The following FASTKD1 variants were observed in gnomAD, a reference collection of about 807,000 sequenced individuals.
FASTKD1 encodes FAST kinase domains 1, also known as FAST kinase domain-containing protein 1, mitochondrial.
Under a neutral mutation model 90.9 loss-of-function variants are expected in FASTKD1, and 94 were observed. The ratio of observed to expected loss-of-function variants is 1.03; its 90% CI spans 0.88 to 1.23. The LOEUF (loss-of-function observed/expected upper bound fraction) is 1.23, where lower values mean the gene tolerates loss of function less well. Ranked by LOEUF, FASTKD1 falls within the 50% of genes most tolerant of loss-of-function variation. The probability of loss-of-function intolerance (pLI) is 0.00; values close to 1 mark genes in which losing one functional copy is unlikely to be tolerated. For synonymous variants in FASTKD1, 319 were observed against 345.8 expected, an observed-to-expected ratio of 0.92 and a Z score of 0.86; for missense variants, 945 against 993.5, an observed-to-expected ratio of 0.95 and a Z score of 0.66.
intron 3 of FASTKD1, 116 bp downstream of exon 3, chr2:169,569,068 A>T (rs960926322): frequency 2.4e-6 from 2 of 835,446 alleles, no homozygotes; most frequent in Admixed American, 4.6e-5. Flanking sequence ...GTTTAAATAC[A>T]TTTTTTTCAG....
At chr2:169,535,162 A>G (rs1419128100) in intron 12 of FASTKD1, among the ~76,000 whole-genome samples, 1 of 151,350 alleles carries the variant, frequency 6.6e-6, no homozygotes, top group Admixed American at 6.6e-5. Flanking sequence ...CCCAGCTTCA[A>G]TGTTTGTTTT....
At chr2:169,543,411 C>A (rs1308220559) in intron 9 of FASTKD1, among the ~76,000 whole-genome samples, 2 of 151,830 alleles carry the variant, frequency 1.3e-5, no homozygotes, top group African/African-American at 4.8e-5. Context: ...TGCAGTGAGC[C>A]GAGATTGTGC....
At chr2:169,569,685 T>C (rs1684146707) in intron 2 of FASTKD1, among the ~76,000 whole-genome samples, 1 of 152,042 alleles carries the variant, frequency 6.6e-6, no homozygotes, top group Admixed American at 6.6e-5. Flanking sequence ...ACCCCGTCTC[T>C]ACTAAAAATA....
chr2:169,542,905 T>G (rs893060564), intron 9 of FASTKD1, among the ~76,000 whole-genome samples: 1 of 152,144 alleles, frequency 6.6e-6, no homozygotes, highest in Admixed American at 6.6e-5. Flanking sequence ...ATTATGTGCC[T>G]CCAGATGTGA....
At chr2:169,540,220 C>A in intron 9 of FASTKD1, 41 bp from the exon 10 acceptor site, 1 of 1,484,940 alleles carries the variant, frequency 6.7e-7, no homozygotes, top group Non-Finnish European at 9.1e-7. Flanking sequence ...ATAGCTGCCT[C>A]ACTTATATAT....
At chr2:169,535,295 C>T (rs1481548230) in intron 12 of FASTKD1, among the ~76,000 whole-genome samples, 2 of 151,844 alleles carry the variant, frequency 1.3e-5, no homozygotes, top group African/African-American at 2.4e-5. Flanking sequence ...GATTCTCCCA[C>T]CTCAGCCTCC....
At chr2:169,562,540 TC>T (rs1683751776) in intron 4 of FASTKD1, among the ~76,000 whole-genome samples, 2 of 152,212 alleles carry the variant, frequency 1.3e-5, no homozygotes, top group African/African-American at 4.8e-5. Flanking sequence ...GCCAATGAAT[TC>T]ATACTTAATT....
intron 7 of FASTKD1, among the ~76,000 whole-genome samples, chr2:169,547,187 T>A (rs1685245160): frequency 6.6e-6 from 1 of 152,136 alleles, no homozygotes. Flanking sequence ...TAAATGATAT[T>A]ATAAAGAATG....
chr2:169,561,950 A>ATTAT (rs1305832651), intron 4 of FASTKD1, among the ~76,000 whole-genome samples: 2 of 74,502 alleles, frequency 2.7e-5, no homozygotes, highest in Non-Finnish European at 5.3e-5. Context: ...TTATAAATTA[A>ATTAT]TTATTAATTT....
At chr2:169,548,816 T>C (rs975292618) in intron 7 of FASTKD1, among the ~76,000 whole-genome samples, 3 of 150,602 alleles carry the variant, frequency 2.0e-5, no homozygotes, top group Admixed American at 6.6e-5. Flanking sequence ...AAATTGAGGC[T>C]GGGCGCGGTA....
chr2:169,551,195 G>A (rs1201933108), intron 7 of FASTKD1, among the ~76,000 whole-genome samples: 1 of 152,156 alleles, frequency 6.6e-6, no homozygotes, highest in East Asian at 1.9e-4. Context: ...TGGGAGTAGG[G>A]ATTGGTAAAA....
intron 3 of FASTKD1, among the ~76,000 whole-genome samples, chr2:169,566,334 C>G (rs926596164): frequency 1.3e-5 from 2 of 152,128 alleles, no homozygotes; most frequent in African/African-American, 4.8e-5. Context: ...ATAGATAAAA[C>G]AAGACTGGCT....
intron 11 of FASTKD1, among the ~76,000 whole-genome samples, chr2:169,537,659 T>G (rs1684783492): frequency 6.6e-6 from 1 of 152,202 alleles, no homozygotes; most frequent in African/African-American, 2.4e-5. Context: ...GTGCTGGGAT[T>G]ACAGGTGTGA....
At chr2:169,543,772 T>C (rs1574378115) in intron 9 of FASTKD1, among the ~76,000 whole-genome samples, 1 of 152,152 alleles carries the variant, frequency 6.6e-6, no homozygotes, top group East Asian at 1.9e-4. Flanking sequence ...TATTGTTCAA[T>C]TTTTCTGTAT....
At chr2:169,549,621 C>A (rs565490860) in intron 7 of FASTKD1, among the ~76,000 whole-genome samples, 1 of 151,880 alleles carries the variant, frequency 6.6e-6, no homozygotes, top group African/African-American at 2.4e-5. Flanking sequence ...CATGCCACCA[C>A]GCCCAGCTAA....
At chr2:169,569,864 T>A (rs570188282) in intron 2 of FASTKD1, among the ~76,000 whole-genome samples, 3 of 151,900 alleles carry the variant, frequency 2.0e-5, no homozygotes, top group South Asian at 2.1e-4. Flanking sequence ...AATAAATAAA[T>A]AAAATATTTT....
chr2:169,544,443 T>C (rs923161614), intron 9 of FASTKD1, among the ~76,000 whole-genome samples: 2 of 151,984 alleles, frequency 1.3e-5, no homozygotes, highest in Non-Finnish European at 2.9e-5. Context: ...TGGTGGCACA[T>C]GCTTATAGTC....
chr2:169,548,965 T>C (rs538373808), intron 7 of FASTKD1, among the ~76,000 whole-genome samples: 20 of 151,326 alleles, frequency 1.3e-4, no homozygotes, highest in South Asian at 8.4e-4. Context: ...GGCATGGTGG[T>C]GGGTGCCTGT....
At chr2:169,565,456 G>A (rs1683930632) in intron 3 of FASTKD1, among the ~76,000 whole-genome samples, 1 of 151,076 alleles carries the variant, frequency 6.6e-6, no homozygotes, top group Non-Finnish European at 1.5e-5. Flanking sequence ...TAGAGACGGA[G>A]TTTCACCTTG....
Sources: allele counts gnomAD v4.1 joint callset (sites outside exome capture counted in the v4.1 genomes callset), GRCh38; gene constraint gnomAD v4.1.1; transcripts MANE v1.5; gene names NCBI Gene and HGNC (gene_info 2026-07-23, HGNC 2026-07-21).